ADARB2: variants seen among roughly 807,000 people sequenced by gnomAD.
ADARB2 encodes the protein inactive double-stranded RNA-specific editase B2.
ADARB2 carries 25 observed loss-of-function variants against 62.2 expected under a neutral mutation model. That is an observed-to-expected ratio of 0.40 (90% CI 0.29 to 0.56). The LOEUF is 0.56. Ranked by LOEUF, ADARB2 falls within the 20% of genes least tolerant of loss-of-function variation. ADARB2 has a pLI of 0.43. For synonymous variants in ADARB2, 572 were observed against 500.8 expected (o/e 1.14, Z -1.90); for missense variants, 1,071 against 1,077.4 (o/e 0.99, Z 0.08).
intron 1 of ADARB2, among the ~76,000 whole-genome samples, chr10:1,618,461 T>G (rs1018223825): frequency 3.9e-5 from 6 of 152,252 alleles, no homozygotes; most frequent in African/African-American, 1.2e-4. Flanking sequence ...TATTCAACCA[T>G]AAGACACTTC....
At chr10:1,650,797 T>C (rs1834100380) in intron 1 of ADARB2, among the ~76,000 whole-genome samples, 1 of 152,164 alleles carries the variant, frequency 6.6e-6, no homozygotes, top group Admixed American at 6.5e-5. Flanking sequence ...CTGGAGCTTC[T>C]CAGCAGTGGG....
At chr10:1,463,310 C>A (rs77760779) in intron 1 of ADARB2, among the ~76,000 whole-genome samples, 1 of 152,142 alleles carries the variant, frequency 6.6e-6, no homozygotes. Context: ...AGAATCCCTG[C>A]GTGTGGCCCT....
intron 3 of ADARB2, among the ~76,000 whole-genome samples, chr10:1,311,454 T>A (rs1325089123): frequency 6.6e-6 from 1 of 152,150 alleles, no homozygotes; most frequent in Non-Finnish European, 1.5e-5. Flanking sequence ...AATAAATGCT[T>A]AGTGGGTTCT....
intron 1 of ADARB2, among the ~76,000 whole-genome samples, chr10:1,508,858 T>C (rs911083957): frequency 1.3e-5 from 2 of 152,206 alleles, no homozygotes; most frequent in African/African-American, 2.4e-5. Context: ...TTAGTAGACA[T>C]TGGAAGGCTG....
chr10:1,316,160 G>C (rs1464013192), intron 3 of ADARB2, among the ~76,000 whole-genome samples: 1 of 152,200 alleles, frequency 6.6e-6, no homozygotes, highest in Non-Finnish European at 1.5e-5. Context: ...GCTCAGATGG[G>C]GCAGCAGAGA....
chr10:1,184,908 G>T lies in ADARB2; in HGVS notation c.1996C>A (p.Leu666Ile). ...CGTGCAGACAGCACGTGCTTGCAGAGCCGGGATGGGCCCCCACAGCTCCTC... is the reference window on the plus strand; with the variant it reads ...CGTGCAGACAGCACGTGCTTGCAGATCCGGGATGGGCCCCCACAGCTCCTC... Reference protein sequence around the residue: ...GRRSCGGPSRLCKHVLSARWA... With the variant: ...GRRSCGGPSRICKHVLSARWA... The change falls in exon 9 of 10, where the codon CTC becomes ATC. Residue 666 changes from leucine (L) to isoleucine (I), a missense_variant. Transcript: ENST00000381312. 2 of 1,613,896 alleles carry T rather than the reference G, an allele frequency of 1.2e-6. No individual in the cohort carries two copies. Among genetic ancestry groups the T allele is most frequent in the Non-Finnish European group, 1.7e-6 (2 of 1,180,034 alleles).
At chr10:1,330,809 G>T (rs1232696672) in intron 3 of ADARB2, among the ~76,000 whole-genome samples, 1 of 152,160 alleles carries the variant, frequency 6.6e-6, no homozygotes, top group Non-Finnish European at 1.5e-5. Flanking sequence ...AAAATGAAAA[G>T]ACAACCCACA....
chr10:1,534,061 GAGAT>G (rs1164433964), intron 1 of ADARB2, among the ~76,000 whole-genome samples: 1 of 151,610 alleles, frequency 6.6e-6, no homozygotes, highest in Non-Finnish European at 1.5e-5. Flanking sequence ...GAGAGAGAGA[GAGAT>G]TGATTTAGTT....
chr10:1,516,432 C>T (rs1421918792), intron 1 of ADARB2, among the ~76,000 whole-genome samples: 5 of 152,150 alleles, frequency 3.3e-5, no homozygotes, highest in Admixed American at 6.5e-5. Context: ...TCGACATACA[C>T]GCTTCAGACC....
At chr10:1,388,541 A>G (rs1266818371) in intron 1 of ADARB2, among the ~76,000 whole-genome samples, 2 of 152,200 alleles carry the variant, frequency 1.3e-5, no homozygotes, top group Non-Finnish European at 2.9e-5. Context: ...CAGAACTCCA[A>G]TACACAAAAG....
intron 4 of ADARB2, among the ~76,000 whole-genome samples, chr10:1,247,396 C>T (rs1304145393): frequency 6.6e-6 from 1 of 152,184 alleles, no homozygotes; most frequent in Non-Finnish European, 1.5e-5. Flanking sequence ...GAGGGCATCC[C>T]TGTCTTGTGC....
At chr10:1,280,189 C>T (rs912992381) in intron 3 of ADARB2, among the ~76,000 whole-genome samples, 1 of 152,182 alleles carries the variant, frequency 6.6e-6, no homozygotes, top group African/African-American at 2.4e-5. Context: ...TGAACTACTT[C>T]CTTAGAGGCC....
At chr10:1,520,967 A>G (rs1326453955) in intron 1 of ADARB2, among the ~76,000 whole-genome samples, 1 of 152,176 alleles carries the variant, frequency 6.6e-6, no homozygotes, top group African/African-American at 2.4e-5. Flanking sequence ...GACAGAATAC[A>G]TTTCAGAAAC....
chr10:1,240,396 T>C (rs61832014), intron 5 of ADARB2: 2,273 of 149,714 alleles, frequency 0.015, 39 homozygotes, highest in Non-Finnish European at 0.022. Flanking sequence ...CTTCTGCCGG[T>C]CTTGCTGTTT....
At chr10:1,478,641 C>T (rs935151470) in intron 1 of ADARB2, among the ~76,000 whole-genome samples, 13 of 149,678 alleles carry the variant, frequency 8.7e-5, no homozygotes, top group Middle Eastern at 3.6e-3. Flanking sequence ...GACCCTCGGA[C>T]GGGAGAGCAC....
At chr10:1,602,958 GCACA>G (rs146661194) in intron 1 of ADARB2, among the ~76,000 whole-genome samples, 4 of 150,242 alleles carry the variant, frequency 2.7e-5, no homozygotes, top group Non-Finnish European at 4.4e-5. Flanking sequence ...GTACACACAT[GCACA>G]CACAGACACA....
intron 1 of ADARB2, among the ~76,000 whole-genome samples, chr10:1,640,513 A>T (rs1054328565): frequency 6.6e-6 from 1 of 152,242 alleles, no homozygotes; most frequent in Non-Finnish European, 1.5e-5. Flanking sequence ...TGAGGAAAAC[A>T]CAATTGAGAC....
chr10:1,453,481 A>G (rs1174106814), intron 1 of ADARB2, among the ~76,000 whole-genome samples: 1 of 152,118 alleles, frequency 6.6e-6, no homozygotes, highest in African/African-American at 2.4e-5. Context: ...TTGGATGTGA[A>G]TATCCAGGTT....
intron 1 of ADARB2, among the ~76,000 whole-genome samples, chr10:1,596,065 G>A (rs186470336): frequency 3.0e-4 from 46 of 152,360 alleles, no homozygotes; most frequent in African/African-American, 1.1e-3. Flanking sequence ...AAGAGTGAAG[G>A]GGGCTCTCTT....
Sources: gnomAD v4.1 joint callset for allele counts (sites outside exome capture counted in the v4.1 genomes callset) on GRCh38, gnomAD v4.1.1 for gene constraint, MANE v1.5 for transcripts, NCBI Gene and HGNC (gene_info 2026-07-23, HGNC 2026-07-21) for gene names.